RPS4X: variants seen among roughly 807,000 people sequenced by gnomAD.
RPS4X encodes the protein small ribosomal subunit protein eS4, X isoform.
For missense variants in RPS4X, 90 were observed against 219.1 expected (o/e 0.41, Z 3.72); for synonymous variants, 76 against 76.8 (o/e 0.99, Z 0.06).
chrX:72,273,753 T>G, intron 5 of RPS4X, 48 bp downstream of exon 5: 3 of 1,085,201 alleles, frequency 2.8e-6, no homozygotes, highest in South Asian at 1.9e-5. Flanking sequence ...CAATTCATAA[T>G]GATCTAGGCC....
intron 2 of RPS4X, 69 bp from the exon 3 acceptor site, chrX:72,275,793 C>G: frequency 1.1e-6 from 1 of 919,748 alleles, no homozygotes; most frequent in South Asian, 2.3e-5. Context: ...CCTAGTCCAC[C>G]AGATCCACTA....
intron 3 of RPS4X, 150 bp downstream of exon 3, chrX:72,275,394 G>GT: frequency 2.0e-6 from 1 of 504,552 alleles, no homozygotes; most frequent in Non-Finnish European, 3.3e-6. Flanking sequence ...TTATTTGCAT[G>GT]TTTTTTATTT....
chrX:72,272,351 T>C lies in RPS4X; in HGVS notation c.*320A>G, dbSNP rs2043184275. The C allele has an allele frequency of 5.1e-6, 1 of 196,443 alleles. No homozygotes were observed. The highest frequency in any genetic ancestry group is 3.0e-5 in the African/African-American group (1 of 33,185). The allele number at this position is 196,443 out of a possible 1,213,427, so 16.2% of individuals were successfully genotyped here. A position where few individuals can be genotyped will look rare whatever the true frequency, so the allele number is the denominator to read the frequency against. ...AAGGGAACTTAACAGGGCAGAGGGG[T>C]CCACTGTGTAGAGAAGTTCTTGGCC... On this transcript the variant is annotated 3_prime_UTR_variant, in exon 7 of 7. Transcript: ENST00000316084.
rs771378293 is a variant in RPS4X, at chrX:72,273,393, G to T, written c.533-4C>A. 1 of 1,185,837 alleles carries T rather than the reference G, an allele frequency of 8.4e-7. No homozygotes were observed. Among genetic ancestry groups the T allele is most frequent in the Non-Finnish European group, 1.1e-6 (1 of 882,902 alleles). Reference sequence around the variant, plus strand: ...CCAGTCACCATACACAGGTTACCTAGGCAGGAAGAAATAATCTGCTTCAAC... The same window carrying T: ...CCAGTCACCATACACAGGTTACCTATGCAGGAAGAAATAATCTGCTTCAAC... On this transcript the variant is annotated splice_polypyrimidine_tract_variant and splice_region_variant and intron_variant, in intron 5 of 6. Coordinates refer to ENST00000316084, the MANE Select transcript of RPS4X (RefSeq NM_001007.5).
At position 72,272,396 on chromosome X, in the gene RPS4X, A is replaced by C. The variant is rs45624642; in HGVS notation, c.*275T>G. 0.09 allele frequency: 25,900 copies of C among 286,964 alleles called. 2,399 individuals carry two copies. The highest frequency in any genetic ancestry group is 0.51 in the East Asian group (8,437 of 16,634). 23.6% of individuals were successfully genotyped at this position (286,964 alleles called of 1,213,427 possible). Reference sequence around the variant, plus strand: ...TTGGCCAAGTCAAGGCGGGGGAGATAAATACTCCGGGATTTCTTGGCTCTT... The same window carrying C: ...TTGGCCAAGTCAAGGCGGGGGAGATCAATACTCCGGGATTTCTTGGCTCTT... On this transcript the variant is annotated 3_prime_UTR_variant, in exon 7 of 7. Coordinates refer to ENST00000316084, the MANE Select transcript of RPS4X (RefSeq NM_001007.5).
intron 5 of RPS4X, 128 bp from the exon 6 acceptor site, chrX:72,273,517 T>C (rs1350122981): frequency 1.4e-6 from 1 of 716,461 alleles, no homozygotes; most frequent in Non-Finnish European, 2.0e-6. Flanking sequence ...CTGCTGCCTA[T>C]GCTAGGACTC....
At chrX:72,274,896 A>G in intron 4 of RPS4X, 157 bp downstream of exon 4, 1 of 428,525 alleles carries the variant, frequency 2.3e-6, no homozygotes. Context: ...GTTACATGTA[A>G]GACAGAATCT....
At chrX:72,274,816 TG>T in intron 4 of RPS4X, 1 of 349,178 alleles carries the variant, frequency 2.9e-6, no homozygotes. Context: ...TAACTTCAAA[TG>T]GGGGCCAATT....
At chrX:72,275,489 G>A (rs2043198814) in intron 3 of RPS4X, 55 bp downstream of exon 3, 2 of 935,745 alleles carry the variant, frequency 2.1e-6, no homozygotes, top group Non-Finnish European at 3.1e-6. Context: ...GACAGTATTT[G>A]GATACCATAG....
chrX:72,273,670 T>C, intron 5 of RPS4X, 131 bp downstream of exon 5: 1 of 550,113 alleles, frequency 1.8e-6, no homozygotes, highest in South Asian at 3.1e-5. Flanking sequence ...TTCTGAGCAT[T>C]TGTGCCTCTG....
chrX:72,276,368 A>C, intron 1 of RPS4X, 134 bp from the exon 2 acceptor site: 1 of 460,441 alleles, frequency 2.2e-6, no homozygotes, highest in Non-Finnish European at 3.8e-6. Context: ...GTTCCGATAA[A>C]ACAGAAACAA....
At position 72,272,618 on chromosome X, in the gene RPS4X, CA is replaced by C; in HGVS notation, c.*52del. On this transcript the variant is annotated 3_prime_UTR_variant, in exon 7 of 7. Transcript: ENST00000316084. ...AAAACCAAAATGCTATTAATCCTGCCACAATATTTTTAATTACGTACAAAGA... is the reference window on the plus strand; with the variant it reads ...AAAACCAAAATGCTATTAATCCTGCCCAATATTTTTAATTACGTACAAAGA... The C allele has an allele frequency of 3.4e-6, 3 of 877,589 alleles. No homozygotes were observed. The highest frequency in any genetic ancestry group is 4.9e-6 in the Non-Finnish European group (3 of 612,327). The allele number at this position is 877,589 out of a possible 1,213,427, so 72.3% of individuals were successfully genotyped here.
intron 5 of RPS4X, 58 bp from the exon 6 acceptor site, chrX:72,273,447 A>G: frequency 9.6e-7 from 1 of 1,044,393 alleles, no homozygotes; most frequent in Non-Finnish European, 1.3e-6. Flanking sequence ...AGCAGCTCAG[A>G]GATGGGTCCA....
At position 72,273,760 on chromosome X, in the gene RPS4X, G is replaced by A. The variant is rs1277613265; in HGVS notation, c.532+41C>T. ...ACCCTGTGCAATTCATAATGATCTA[G>A]GCCTTAAAGAGGGTGCCCAGGTAGC... On this transcript the variant is annotated intron_variant, in intron 5 of 6. Transcript: ENST00000316084. 4 of 1,120,140 alleles carry A rather than the reference G, an allele frequency of 3.6e-6. No homozygotes were observed. In the African/African-American group the frequency reaches 7.2e-5, roughly 20 times the overall value. The allele number at this position is 1,120,140 out of a possible 1,213,427, so 92.3% of individuals were successfully genotyped here.
At chrX:72,277,066 A>C (rs1464616019) in intron 1 of RPS4X, 127 bp downstream of exon 1, 1 of 820,840 alleles carries the variant, frequency 1.2e-6, no homozygotes, top group African/African-American at 2.0e-5. Context: ...CCGGCCTACC[A>C]CGGAGGCCGT....
chrX:72,273,789 G>A lies in RPS4X; in HGVS notation c.532+12C>T, dbSNP rs752758294. ...TTAAAGAGGGTGCCCAGGTAGCACA[G>A]AGGATGCTTACCAGTGTCGAACTTG... On this transcript the variant is annotated intron_variant, in intron 5 of 6. Transcript: ENST00000316084. 1 of 1,201,840 alleles carries A rather than the reference G, an allele frequency of 8.3e-7. No homozygotes were observed. Among genetic ancestry groups the A allele is most frequent in the Admixed American group, 2.2e-5 (1 of 45,897 alleles).
At chrX:72,274,938 T>C (rs2043195898) in intron 4 of RPS4X, 115 bp downstream of exon 4, 1 of 459,099 alleles carries the variant, frequency 2.2e-6, no homozygotes, top group Non-Finnish European at 3.9e-6. Flanking sequence ...TTTCCAGGTA[T>C]GAGATTTTAA....
Position 72,276,143 on chromosome X carries a change from T to C in RPS4X, c.81+14A>G, listed in dbSNP as rs1391884131. On this transcript the variant is annotated intron_variant, in intron 2 of 6. Transcript: ENST00000316084. The stretch of plus-strand genomic sequence containing the variant: ...AAAACAGTGGCCACGGAAATATTTA[T>C]ATAAGATACTTACAAACACACCGGT... 2.5e-6 allele frequency: 3 copies of C among 1,188,915 alleles called. No homozygotes were observed. Among genetic ancestry groups the C allele is most frequent in the East Asian group, 5.9e-5 (2 of 33,755 alleles).
rs183841318 is a variant in RPS4X at position 72,274,571 on chromosome X, T to C, written c.360+482A>G. 9 of 296,064 alleles carry C rather than the reference T, an allele frequency of 3.0e-5. No individual in the cohort carries two copies. The East Asian group carries it at 9.4e-4, about 31-fold the overall frequency. 24.4% of individuals were successfully genotyped at this position (296,064 alleles called of 1,213,427 possible). ...ATTAAATAATCAAAGACTGTAATCT[T>C]TTTTTAAACCTCAAACTAGTGCCTC... On this transcript the variant is annotated intron_variant, in intron 4 of 6. Transcript: ENST00000316084.
Sources: gnomAD v4.1 joint callset for allele counts on GRCh38, gnomAD v4.1.1 for gene constraint, MANE v1.5 for transcripts, NCBI Gene and HGNC (gene_info 2026-07-23, HGNC 2026-07-21) for gene names.